RGSL1: variants seen among roughly 807,000 people sequenced by gnomAD.
RGSL1 encodes the protein regulator of G protein signaling like 1.
Under a neutral mutation model 124.7 loss-of-function variants are expected in RGSL1, and 97 were observed. The ratio of observed to expected loss-of-function variants is 0.78; its 90% CI spans 0.66 to 0.92. The LOEUF is 0.92. Ranked by LOEUF, RGSL1 falls within the 40% of genes least tolerant of loss-of-function variation. The pLI is 0.00. For synonymous variants in RGSL1, 424 were observed against 438.1 expected (o/e 0.97, Z 0.40); for missense variants, 1,233 against 1,288.4 (o/e 0.96, Z 0.66).
chr1:182,515,168 G>T (rs4609387), intron 9 of RGSL1, among the ~76,000 whole-genome samples: 27,592 of 152,128 alleles, frequency 0.18, 2,670 homozygotes, highest in Middle Eastern at 0.28. Flanking sequence ...AATAGGAATT[G>T]TTCGCACTCA....
intron 14 of RGSL1, among the ~76,000 whole-genome samples, chr1:182,534,149 A>T (rs1163839341): frequency 1.3e-5 from 2 of 152,216 alleles, no homozygotes; most frequent in East Asian, 3.9e-4. Flanking sequence ...TTTCTATGAA[A>T]CAAGTTCCTT....
chr1:182,498,148 T>C (rs992969090), intron 9 of RGSL1, among the ~76,000 whole-genome samples: 1 of 152,226 alleles, frequency 6.6e-6, no homozygotes, highest in African/African-American at 2.4e-5. Flanking sequence ...ACACTCTTAA[T>C]TCATTAATTT....
At chr1:182,475,087 G>T (rs1654185162) in intron 6 of RGSL1, among the ~76,000 whole-genome samples, 1 of 152,194 alleles carries the variant, frequency 6.6e-6, no homozygotes, top group South Asian at 2.1e-4. Context: ...TGGAGGTGGG[G>T]AGTGGTTGAT....
intron 3 of RGSL1, among the ~76,000 whole-genome samples, chr1:182,458,964 A>T (rs1652580508): frequency 6.6e-6 from 1 of 152,204 alleles, no homozygotes; most frequent in Non-Finnish European, 1.5e-5. Context: ...ATTCTAGCCC[A>T]TAGTTAGCAA....
chr1:182,520,740 C>T (rs1658273588), intron 9 of RGSL1, among the ~76,000 whole-genome samples: 1 of 152,014 alleles, frequency 6.6e-6, no homozygotes, highest in African/African-American at 2.4e-5. Flanking sequence ...CTTCCATAGT[C>T]TAGATTTTCT....
intron 9 of RGSL1, among the ~76,000 whole-genome samples, chr1:182,493,861 G>A (rs1307693871): frequency 6.6e-6 from 1 of 152,108 alleles, no homozygotes; most frequent in African/African-American, 2.4e-5. Context: ...ACCCACTACT[G>A]TCCATTTGCT....
intron 4 of RGSL1, among the ~76,000 whole-genome samples, chr1:182,460,391 A>G (rs576759990): frequency 6.6e-6 from 1 of 152,330 alleles, no homozygotes; most frequent in Admixed American, 6.5e-5. Context: ...AAATATTGGT[A>G]TCAAGAGAAA....
At chr1:182,477,210 C>A (rs1380040295) in intron 6 of RGSL1, among the ~76,000 whole-genome samples, 1 of 152,188 alleles carries the variant, frequency 6.6e-6, no homozygotes, top group East Asian at 1.9e-4. Flanking sequence ...CTTCTAGTAG[C>A]AGGCCTGTCA....
At chr1:182,454,586 A>ATGTGTG (rs68163917) in intron 2 of RGSL1, among the ~76,000 whole-genome samples, 2,041 of 144,580 alleles carry the variant, frequency 0.014, 44 homozygotes, top group African/African-American at 0.047. Context: ...CTTGAGTTGT[A>ATGTGTG]TGTGTGTGTG....
At chr1:182,537,277 A>G (rs1460934599) in intron 14 of RGSL1, among the ~76,000 whole-genome samples, 4 of 152,228 alleles carry the variant, frequency 2.6e-5, no homozygotes, top group African/African-American at 9.6e-5. Flanking sequence ...CAGTGTCCCC[A>G]AGGAAAAAAA....
chr1:182,484,947 A>T (rs970381773), intron 6 of RGSL1, among the ~76,000 whole-genome samples: 1 of 152,134 alleles, frequency 6.6e-6, no homozygotes, highest in Non-Finnish European at 1.5e-5. Context: ...CCCTGGAGCA[A>T]GACACATTCC....
intron 9 of RGSL1, among the ~76,000 whole-genome samples, chr1:182,512,133 T>C (rs1288444045): frequency 6.6e-6 from 1 of 152,208 alleles, no homozygotes; most frequent in Non-Finnish European, 1.5e-5. Context: ...TATTACTGTA[T>C]TGTGGTCTTT....
At chr1:182,519,923 T>A (rs981841984) in intron 9 of RGSL1, among the ~76,000 whole-genome samples, 18 of 152,138 alleles carry the variant, frequency 1.2e-4, no homozygotes, top group African/African-American at 4.3e-4. Context: ...TCTTATAATA[T>A]TGTCTATTTT....
rs1279258799 is a variant in RGSL1, at chr1:182,453,868, G to T, written c.14-90G>T. The stretch of plus-strand genomic sequence containing the variant: ...TGTCATCATGCTGAGATTTGGCAAC[G>T]TGAAATGATCCATTCGATTGCTTCA... On this transcript the variant is annotated intron_variant, in intron 1 of 21. Transcript: ENST00000294854. 6 of 714,122 alleles carry T rather than the reference G, an allele frequency of 8.4e-6. No individual in the cohort carries two copies. In the East Asian group the frequency reaches 1.6e-4, roughly 19 times the overall value. 44.2% of individuals were successfully genotyped at this position (714,122 alleles called of 1,614,324 possible). A position where few individuals can be genotyped will look rare whatever the true frequency, so the allele number is the denominator to read the frequency against.
intron 5 of RGSL1, 65 bp from the exon 6 acceptor site, chr1:182,473,510 C>T: frequency 2.1e-6 from 3 of 1,454,632 alleles, no homozygotes; most frequent in Non-Finnish European, 2.7e-6. Context: ...AAAAACCTCT[C>T]CAACACCATC....
At chr1:182,530,701 T>C (rs989245940) in intron 12 of RGSL1, 89 bp from the exon 13 acceptor site, 2 of 1,384,402 alleles carry the variant, frequency 1.4e-6, no homozygotes, top group African/African-American at 1.5e-5. Context: ...TGAGAGTTCC[T>C]CCAGAAGCTG....
At chr1:182,501,555 G>A (rs111896149) in intron 9 of RGSL1, among the ~76,000 whole-genome samples, 1 of 151,796 alleles carries the variant, frequency 6.6e-6, no homozygotes, top group Non-Finnish European at 1.5e-5. Context: ...CTGACCTCAA[G>A]TGGTCCTCCT....
chr1:182,482,798 T>A (rs1654813429), intron 6 of RGSL1, among the ~76,000 whole-genome samples: 1 of 152,240 alleles, frequency 6.6e-6, no homozygotes, highest in South Asian at 2.1e-4. Flanking sequence ...AAAATCTGGA[T>A]CTTGAAGAGA....
chr1:182,554,680 C>T lies in RGSL1; in HGVS notation c.3184C>T (p.His1062Tyr). 1 of 1,551,706 alleles carries T rather than the reference C, an allele frequency of 6.4e-7. No homozygotes were observed. Among genetic ancestry groups the T allele is most frequent in the Non-Finnish European group, 8.7e-7 (1 of 1,146,990 alleles). ...PRLVVSAMQL[H>Y]PVQGQKLSYI... ...ACTCGTGGTATCTGCCATGCAGCTG[C>T]ATCCCGTCCAGGGGTAGGCATGAGC... The change falls in exon 20 of 22, where the codon CAT (histidine) becomes TAT (tyrosine). Residue 1062 changes from histidine to tyrosine, a missense_variant. Physicochemically the swap from His to Tyr is moderately conservative, Grantham distance 83. Coordinates refer to ENST00000294854, the MANE Select transcript of RGSL1 (RefSeq NM_001137669.2).
Sources: allele counts gnomAD v4.1 joint callset (sites outside exome capture counted in the v4.1 genomes callset), GRCh38; gene constraint gnomAD v4.1.1; transcripts MANE v1.5; gene names NCBI Gene and HGNC (gene_info 2026-07-23, HGNC 2026-07-21).